RIMS2: variants seen among roughly 807,000 people sequenced by gnomAD.
RIMS2 encodes the protein regulating synaptic membrane exocytosis 2, also known as regulating synaptic membrane exocytosis protein 2.
RIMS2 carries 59 observed loss-of-function variants against 174.4 expected under a neutral mutation model. That is an observed-to-expected ratio of 0.34 (90% CI 0.27 to 0.42). RIMS2 has a LOEUF of 0.42. RIMS2 is among the 10% of genes least tolerant of loss of function. RIMS2 has a pLI of 1.00. For missense variants in RIMS2, 1,620 were observed against 1,666.3 expected, an observed-to-expected ratio of 0.97 and a Z score of 0.48; for synonymous variants, 606 against 572.5, an observed-to-expected ratio of 1.06 and a Z score of -0.84.
chr8:103,578,542 A>G (rs931170447), intron 1 of RIMS2, among the ~76,000 whole-genome samples: 1 of 151,942 alleles, frequency 6.6e-6, no homozygotes, highest in Non-Finnish European at 1.5e-5. Context: ...ACAAAAAACA[A>G]AAAACAAAAC....
At chr8:103,605,519 A>T (rs1488894973) in intron 1 of RIMS2, among the ~76,000 whole-genome samples, 3 of 151,244 alleles carry the variant, frequency 2.0e-5, no homozygotes, top group African/African-American at 2.4e-5. Context: ...CCTCATAAAA[A>T]GAGTTAGGGA....
chr8:104,165,429 A>G (rs915654328), intron 19 of RIMS2, among the ~76,000 whole-genome samples: 1 of 151,946 alleles, frequency 6.6e-6, no homozygotes, highest in Non-Finnish European at 1.5e-5. Context: ...CATTTATCTT[A>G]ATGTGTAGAA....
chr8:103,755,533 TG>T (rs1317450531), intron 2 of RIMS2, among the ~76,000 whole-genome samples: 4 of 152,232 alleles, frequency 2.6e-5, no homozygotes, highest in Non-Finnish European at 5.9e-5. Flanking sequence ...TTTTCCAGCT[TG>T]GTTCTATTCT....
chr8:103,500,918 T>C (rs1819342155), exon 1 of RIMS2: 1 of 1,606,196 alleles, frequency 6.2e-7, no homozygotes, highest in South Asian at 1.1e-5. Context: ...CGGGGCCGCC[T>C]GGCTCCCATC....
chr8:103,883,274 C>A (rs776352076), intron 3 of RIMS2, among the ~76,000 whole-genome samples: 1 of 151,566 alleles, frequency 6.6e-6, no homozygotes, highest in Non-Finnish European at 1.5e-5. Flanking sequence ...TTATATAGTT[C>A]GAAATAACTG....
intron 4 of RIMS2, among the ~76,000 whole-genome samples, chr8:103,896,848 CAG>C (rs1413870525): frequency 2.0e-5 from 3 of 151,542 alleles, no homozygotes; most frequent in Non-Finnish European, 1.5e-5. Context: ...TCAGGGCTCA[CAG>C]AGATATAATT....
chr8:104,205,944 G>A (rs962348931), intron 19 of RIMS2, among the ~76,000 whole-genome samples: 1 of 151,812 alleles, frequency 6.6e-6, no homozygotes, highest in Non-Finnish European at 1.5e-5. Context: ...TTAGTAGAGA[G>A]GGGGTTTCAC....
intron 1 of RIMS2, among the ~76,000 whole-genome samples, chr8:103,576,513 C>A (rs1360487021): frequency 1.3e-5 from 2 of 152,164 alleles, no homozygotes; most frequent in African/African-American, 4.8e-5. Context: ...CCTAACGAGA[C>A]AGCCATATGT....
intron 1 of RIMS2, among the ~76,000 whole-genome samples, chr8:103,513,362 A>G (rs6986085): frequency 0.18 from 27,679 of 152,124 alleles, 2,767 homozygotes; most frequent in African/African-American, 0.26. Flanking sequence ...CATTCTATAA[A>G]ATGAAGATTG....
In RIMS2 at chr8:103,551,603, A is replaced by G. The variant is rs562674067; in HGVS notation, c.176+50541A>G. Among the ~76,000 whole-genome samples, 5 of 152,310 alleles carry G rather than the reference A, an allele frequency of 3.3e-5. No individual in the cohort carries two copies. In the South Asian group the frequency reaches 1.0e-3, roughly 32 times the overall value. ...TAGTGTTGGAAGTTCTGGCCAGGGC[A>G]ATCAGACAGGAGAAAGAAATAAAGG... On this transcript the variant is annotated intron_variant, in intron 1 of 23. Coordinates refer to ENST00000504942, the Ensembl canonical transcript of RIMS2.
At chr8:104,201,742 T>G (rs1226522808) in intron 19 of RIMS2, among the ~76,000 whole-genome samples, 1 of 152,182 alleles carries the variant, frequency 6.6e-6, no homozygotes, top group Non-Finnish European at 1.5e-5. Context: ...TTTTCTTTGG[T>G]GATTTGAACG....
chr8:104,234,890 C>T (rs1156813), intron 19 of RIMS2, among the ~76,000 whole-genome samples: 24,159 of 152,076 alleles, frequency 0.16, 2,468 homozygotes, highest in Non-Finnish European at 0.23. Context: ...CGCAATTTTT[C>T]ACGGTGTATT....
At chr8:103,593,329 T>C (rs901771193) in intron 1 of RIMS2, among the ~76,000 whole-genome samples, 1 of 151,526 alleles carries the variant, frequency 6.6e-6, no homozygotes, top group Non-Finnish European at 1.5e-5. Context: ...GACCAATGTG[T>C]GCTGCTGCAA....
chr8:103,915,263 C>T (rs16870826), intron 6 of RIMS2, among the ~76,000 whole-genome samples: 21,039 of 151,986 alleles, frequency 0.14, 2,149 homozygotes, highest in African/African-American at 0.29. Flanking sequence ...TTATGCAACA[C>T]TTCAGCAAAT....
intron 1 of RIMS2, among the ~76,000 whole-genome samples, chr8:103,554,244 T>C (rs1849405554): frequency 6.6e-6 from 1 of 151,940 alleles, no homozygotes; most frequent in African/African-American, 2.4e-5. Flanking sequence ...GTCAACAGAG[T>C]AAATAGACAA....
At chr8:104,233,486 T>G (rs1229834134) in intron 19 of RIMS2, among the ~76,000 whole-genome samples, 1 of 152,180 alleles carries the variant, frequency 6.6e-6, no homozygotes, top group Non-Finnish European at 1.5e-5. Context: ...GTTATCAATC[T>G]CACTTGGTAG....
intron 2 of RIMS2, among the ~76,000 whole-genome samples, chr8:103,756,517 C>G (rs2098012261): frequency 6.6e-6 from 1 of 151,586 alleles, no homozygotes; most frequent in Admixed American, 6.6e-5. Flanking sequence ...TCACTGCAGC[C>G]TTGACCTGCT....
intron 19 of RIMS2, among the ~76,000 whole-genome samples, chr8:104,175,302 A>C (rs2098876390): frequency 6.6e-6 from 1 of 152,010 alleles, no homozygotes; most frequent in Non-Finnish European, 1.5e-5. Flanking sequence ...AACTTTAAAA[A>C]ATTTTTTTGT....
At chr8:103,869,726 A>G (rs138675939) in intron 3 of RIMS2, among the ~76,000 whole-genome samples, 61 of 152,316 alleles carry the variant, frequency 4.0e-4, no homozygotes, top group Non-Finnish European at 8.1e-4. Flanking sequence ...AGGGGCACTT[A>G]TACAAGTTGG....
Sources: allele counts gnomAD v4.1 joint callset (sites outside exome capture counted in the v4.1 genomes callset), GRCh38; gene constraint gnomAD v4.1.1; transcripts MANE v1.5; gene names NCBI Gene and HGNC (gene_info 2026-07-23, HGNC 2026-07-21).